Variants in PRR16 observed in about 807,000 individuals in gnomAD.
PRR16 encodes the protein proline rich 16.
PRR16 carries 6 observed loss-of-function variants against 18.2 expected under a neutral mutation model. The observed-to-expected ratio is 0.33, with a 90% CI of 0.18 to 0.65. PRR16 has a LOEUF of 0.65. PRR16 is among the 30% of genes least tolerant of loss of function. The pLI, the probability that PRR16 is intolerant of heterozygous loss-of-function variation, is 0.74. For synonymous variants in PRR16, 151 were observed against 147.8 expected (o/e 1.02, Z -0.16); for missense variants, 412 against 376.6 (o/e 1.09, Z -0.78).
At chr5:120,720,038 C>T in the PRR16 span, among the ~76,000 whole-genome samples, 2 of 151,898 alleles carry the variant, frequency 1.3e-5, no homozygotes, top group African/African-American at 4.8e-5. Flanking sequence ...GTTACTTAGG[C>T]CCAAAGTAGA....
At chr5:120,651,065 T>C (rs1309248885) in intron 1 of PRR16, among the ~76,000 whole-genome samples, 6 of 152,236 alleles carry the variant, frequency 3.9e-5, no homozygotes, top group Non-Finnish European at 4.4e-5. Flanking sequence ...CATTTGCATT[T>C]CTCTGATGGC....
At chr5:120,669,791 C>T (rs1264336799) in intron 1 of PRR16, among the ~76,000 whole-genome samples, 2 of 151,918 alleles carry the variant, frequency 1.3e-5, no homozygotes, top group Non-Finnish European at 2.9e-5. Flanking sequence ...TTTACATTCA[C>T]AACGTAAAAT....
chr5:120,624,780 T>C (rs1247961145), intron 1 of PRR16, among the ~76,000 whole-genome samples: 1 of 152,178 alleles, frequency 6.6e-6, no homozygotes, highest in Non-Finnish European at 1.5e-5. Flanking sequence ...CACTCAAATG[T>C]CATCTTGTAG....
the PRR16 span, among the ~76,000 whole-genome samples, chr5:120,702,547 C>G: frequency 6.6e-6 from 1 of 152,074 alleles, no homozygotes; most frequent in Non-Finnish European, 1.5e-5. Flanking sequence ...AGGCAGGCGT[C>G]CCTGCGTGGT....
At chr5:120,632,996 C>G (rs1338112880) in intron 1 of PRR16, among the ~76,000 whole-genome samples, 1 of 152,034 alleles carries the variant, frequency 6.6e-6, no homozygotes, top group Non-Finnish European at 1.5e-5. Flanking sequence ...ATCAGGTAAC[C>G]TACAAAGGAA....
chr5:120,559,162 GTTTGTTTCT>G (rs1249745606), intron 1 of PRR16, among the ~76,000 whole-genome samples: 4 of 151,554 alleles, frequency 2.6e-5, no homozygotes, highest in Non-Finnish European at 3.0e-5. Flanking sequence ...ATGTGATCCC[GTTTGTTTCT>G]TTTTTCTTTG....
downstream of PRR16, among the ~76,000 whole-genome samples, chr5:120,688,879 G>C (rs958623877): frequency 6.6e-6 from 1 of 152,138 alleles, no homozygotes; most frequent in Admixed American, 6.6e-5. Flanking sequence ...TATTGAGCCA[G>C]ACACCTAGAA....
intron 1 of PRR16, among the ~76,000 whole-genome samples, chr5:120,472,513 C>T (rs556241484): frequency 2.0e-5 from 3 of 152,140 alleles, no homozygotes; most frequent in South Asian, 2.1e-4. Flanking sequence ...CTCACACAAA[C>T]GTGGTTCCTG....
chr5:120,638,422 A>G (rs541899010), intron 1 of PRR16, among the ~76,000 whole-genome samples: 26 of 152,286 alleles, frequency 1.7e-4, no homozygotes, highest in South Asian at 6.2e-4. Flanking sequence ...TTCATGACAC[A>G]TAGAGGCTAG....
intron 1 of PRR16, among the ~76,000 whole-genome samples, chr5:120,643,193 A>C (rs1009840712): frequency 3.0e-4 from 36 of 120,364 alleles, no homozygotes; most frequent in African/African-American, 1.5e-4. Context: ...TTTTCTAAAA[A>C]AAAACAAAAC....
the PRR16 span, among the ~76,000 whole-genome samples, chr5:120,709,513 T>G: frequency 6.6e-6 from 1 of 152,136 alleles, no homozygotes; most frequent in Non-Finnish European, 1.5e-5. Context: ...ATCTTCCAGT[T>G]TTTTTAAATA....
intron 1 of PRR16, among the ~76,000 whole-genome samples, chr5:120,684,571 T>C (rs1199262753): frequency 6.6e-6 from 1 of 152,206 alleles, no homozygotes; most frequent in East Asian, 1.9e-4. Flanking sequence ...CCATAACTTT[T>C]CCATTCTCAT....
the PRR16 span, among the ~76,000 whole-genome samples, chr5:120,723,671 A>T: frequency 6.5e-3 from 988 of 152,026 alleles, 3 homozygotes; most frequent in Non-Finnish European, 9.3e-3. Flanking sequence ...AATTTACTCA[A>T]GCATTTATTG....
chr5:120,644,585 A>G (rs1755530473), intron 1 of PRR16, among the ~76,000 whole-genome samples: 1 of 152,150 alleles, frequency 6.6e-6, no homozygotes, highest in Non-Finnish European at 1.5e-5. Flanking sequence ...AAACTGAATC[A>G]CATTTATATT....
the PRR16 span, among the ~76,000 whole-genome samples, chr5:120,792,666 T>C: frequency 9.2e-5 from 14 of 152,190 alleles, no homozygotes; most frequent in African/African-American, 3.1e-4. Flanking sequence ...TTATGTTTAC[T>C]TAGGTAAGAT....
rs766267192 is a variant in PRR16, at chr5:120,464,663, G to C, written c.159+18G>C. On this transcript the variant is annotated intron_variant, in intron 1 of 1. Transcript: ENST00000407149. Reference sequence around the variant, plus strand: ...TTAAGGAGGTGAGAGGCGCAGGGGTGGGGAGGGAGTTCGGCACCCTTCGAC... The same window carrying C: ...TTAAGGAGGTGAGAGGCGCAGGGGTCGGGAGGGAGTTCGGCACCCTTCGAC... 1.3e-6 allele frequency: 2 copies of C among 1,541,686 alleles called. No homozygotes were observed. Among genetic ancestry groups the C allele is most frequent in the Admixed American group, 1.9e-5 (1 of 51,724 alleles).
intron 1 of PRR16, among the ~76,000 whole-genome samples, chr5:120,547,411 C>T (rs566320597): frequency 6.6e-6 from 1 of 152,016 alleles, no homozygotes; most frequent in Non-Finnish European, 1.5e-5. Flanking sequence ...CCAAGTGAGA[C>T]AGGAAACAAG....
chr5:120,709,819 T>G, the PRR16 span, among the ~76,000 whole-genome samples: 1 of 152,214 alleles, frequency 6.6e-6, no homozygotes, highest in East Asian at 1.9e-4. Context: ...CAGGATTTCA[T>G]TTTTTATTGC....
chr5:120,596,517 A>G (rs1260831023), intron 1 of PRR16, among the ~76,000 whole-genome samples: 1 of 151,814 alleles, frequency 6.6e-6, no homozygotes, highest in East Asian at 1.9e-4. Flanking sequence ...TTTTTTTAAC[A>G]TAATGAAATA....
Sources: allele counts gnomAD v4.1 joint callset (sites outside exome capture counted in the v4.1 genomes callset), GRCh38; gene constraint gnomAD v4.1.1; transcripts MANE v1.5; gene names NCBI Gene and HGNC (gene_info 2026-07-23, HGNC 2026-07-21).